The following RHOU variants were observed in gnomAD, a reference collection of about 807,000 sequenced individuals.
The protein encoded by RHOU is ras homolog family member U.
In RHOU, 8 loss-of-function variants were observed where a neutral mutation model predicts 12.6. That is an observed-to-expected ratio of 0.64 (90% CI 0.37 to 1.15). The LOEUF (loss-of-function observed/expected upper bound fraction) is 1.15. RHOU is among the 50% of genes most tolerant of loss of function. The pLI is 0.01. For synonymous variants in RHOU, 161 were observed against 147.4 expected, an observed-to-expected ratio of 1.09 and a Z score of -0.67; for missense variants, 258 against 347.0, an observed-to-expected ratio of 0.74 and a Z score of 2.04.
At chr1:228,661,807 A>G in the RHOU span, among the ~76,000 whole-genome samples, 2 of 152,254 alleles carry the variant, frequency 1.3e-5, no homozygotes, top group African/African-American at 4.8e-5. Flanking sequence ...AGCAATGGCA[A>G]CAAAAGCCAA....
chr1:228,673,080 A>G, the RHOU span, among the ~76,000 whole-genome samples: 1 of 152,160 alleles, frequency 6.6e-6, no homozygotes, highest in Admixed American at 6.5e-5. Context: ...CGTGCCCCAA[A>G]TGCAAATGTT....
chr1:228,654,404 G>C, the RHOU span, among the ~76,000 whole-genome samples: 2 of 152,100 alleles, frequency 1.3e-5, no homozygotes, highest in African/African-American at 4.8e-5. Context: ...ACAATATCCA[G>C]CATAAATGGA....
At chr1:228,734,924 G>A (rs907363656), upstream of RHOU, among the ~76,000 whole-genome samples, 5 of 151,658 alleles carry the variant, frequency 3.3e-5, no homozygotes, top group African/African-American at 1.2e-4. Context: ...TCACAATGGA[G>A]CTGGCATCCT....
At chr1:228,717,107 C>A in the RHOU span, among the ~76,000 whole-genome samples, 1 of 152,196 alleles carries the variant, frequency 6.6e-6, no homozygotes, top group Non-Finnish European at 1.5e-5. Context: ...CTGGAAGGAA[C>A]TGAAGTCAAG....
At chr1:228,665,726 T>A in the RHOU span, among the ~76,000 whole-genome samples, 1 of 152,174 alleles carries the variant, frequency 6.6e-6, no homozygotes, top group Non-Finnish European at 1.5e-5. Context: ...CCTTCCCCTG[T>A]CTTTTTGTTC....
At chr1:228,648,524 C>G in the RHOU span, among the ~76,000 whole-genome samples, 1 of 152,134 alleles carries the variant, frequency 6.6e-6, no homozygotes, top group Non-Finnish European at 1.5e-5. Flanking sequence ...TCCCTTGCTG[C>G]CCCTCTTGCA....
Position 228,735,759 on chromosome 1 carries a change from G to A in RHOU, c.17G>A (p.Gly6Glu), listed in dbSNP as rs759051896. The A allele has an allele frequency of 5.0e-5, 60 of 1,209,202 alleles. No homozygotes were observed. The highest frequency in any genetic ancestry group is 3.2e-5 in the African/African-American group (2 of 63,278). 74.9% of individuals were successfully genotyped at this position (1,209,202 alleles called of 1,614,324 possible). A position where few individuals can be genotyped will look rare whatever the true frequency, so the allele number is the denominator to read the frequency against. MPPQQGDPAFPDRCEA... is the reference protein window; with the variant it reads MPPQQEDPAFPDRCEA... Reference sequence around the variant, plus strand: ...CGCGGATCGATGCCCCCGCAGCAGGGGGACCCCGCGTTCCCCGACCGCTGC... The same window carrying A: ...CGCGGATCGATGCCCCCGCAGCAGGAGGACCCCGCGTTCCCCGACCGCTGC... Residue 6 changes from glycine to glutamate, a missense_variant, in exon 1 of 3, where the codon GGG becomes GAG. Transcript: ENST00000366691. The surrounding 1 kb of genome is among the most constrained non-coding windows in gnomAD (Gnocchi z 8.1).
At chr1:228,683,676 T>C in the RHOU span, among the ~76,000 whole-genome samples, 1 of 152,254 alleles carries the variant, frequency 6.6e-6, no homozygotes, top group Admixed American at 6.5e-5. Flanking sequence ...TAACAAATTG[T>C]AATTGATGAT....
chr1:228,656,037 A>C, the RHOU span, among the ~76,000 whole-genome samples: 18,465 of 152,262 alleles, frequency 0.12, 1,265 homozygotes, highest in African/African-American at 0.19. Flanking sequence ...TTTGTAGCCA[A>C]TGATAATGAT....
At chr1:228,687,337 T>C in the RHOU span, 471 of 730,126 alleles carry the variant, frequency 6.5e-4, 1 homozygote, top group East Asian at 8.9e-3. Context: ...TTTGAAGGAA[T>C]GGTACAAATC....
chr1:228,703,385 G>A, the RHOU span, among the ~76,000 whole-genome samples: 4 of 152,114 alleles, frequency 2.6e-5, no homozygotes, highest in South Asian at 8.3e-4. Context: ...AATTAGCCAG[G>A]TGTGGTGGTG....
the RHOU span, among the ~76,000 whole-genome samples, chr1:228,693,824 T>C: frequency 1.4e-3 from 208 of 152,318 alleles, no homozygotes; most frequent in Middle Eastern, 3.4e-3. Flanking sequence ...AGATGATTTT[T>C]AAAGTTAACA....
the RHOU span, among the ~76,000 whole-genome samples, chr1:228,678,715 G>A: frequency 1.3e-5 from 2 of 152,102 alleles, no homozygotes; most frequent in Admixed American, 6.6e-5. Flanking sequence ...CTCGAGTTAA[G>A]GCAATGAGTT....
At chr1:228,740,522 T>G (rs1662700299) in intron 2 of RHOU, among the ~76,000 whole-genome samples, 1 of 152,244 alleles carries the variant, frequency 6.6e-6, no homozygotes, top group Non-Finnish European at 1.5e-5. Flanking sequence ...TTAGTCTTTG[T>G]TTAGACTACT....
At chr1:228,674,212 CTTA>C in the RHOU span, among the ~76,000 whole-genome samples, 1 of 152,112 alleles carries the variant, frequency 6.6e-6, no homozygotes, top group African/African-American at 2.4e-5. Flanking sequence ...TTTGTCTTTT[CTTA>C]TTAAGTCTTC....
chr1:228,648,563 G>A, the RHOU span, among the ~76,000 whole-genome samples: 1 of 152,108 alleles, frequency 6.6e-6, no homozygotes, highest in South Asian at 2.1e-4. Flanking sequence ...CCCACCCAGA[G>A]CCGTTTCTTT....
chr1:228,701,757 A>G, the RHOU span, among the ~76,000 whole-genome samples: 3 of 151,546 alleles, frequency 2.0e-5, no homozygotes, highest in East Asian at 5.8e-4. Context: ...TAACTTCTAA[A>G]CTGGACAAAG....
the RHOU span, among the ~76,000 whole-genome samples, chr1:228,678,067 A>C: frequency 1.3e-5 from 2 of 152,194 alleles, no homozygotes; most frequent in African/African-American, 2.4e-5. Flanking sequence ...AGTCCTGGGC[A>C]GGGGCAAATC....
At chr1:228,668,211 C>T in the RHOU span, among the ~76,000 whole-genome samples, 1 of 152,224 alleles carries the variant, frequency 6.6e-6, no homozygotes, top group African/African-American at 2.4e-5. Context: ...AGCATCTGTG[C>T]TTGAGCATCT....
Sources: gnomAD v4.1 joint callset for allele counts (sites outside exome capture counted in the v4.1 genomes callset) on GRCh38, gnomAD v4.1.1 for gene constraint, Gnocchi (gnomAD v3.1) non-coding constraint, MANE v1.5 for transcripts, NCBI Gene and HGNC (gene_info 2026-07-23, HGNC 2026-07-21) for gene names.